The following PRH1 variants were observed in gnomAD, a reference collection of about 807,000 sequenced individuals.
The protein encoded by PRH1 is salivary acidic proline-rich phosphoprotein 1/2.
Under a neutral mutation model 7.9 loss-of-function variants are expected in PRH1, and 7 were observed. The observed-to-expected ratio is 0.89, with a 90% CI of 0.50 to 1.67. PRH1 has a LOEUF of 1.67. Ranked by LOEUF, PRH1 falls within the 40% of genes most tolerant of loss-of-function variation. PRH1 has a pLI of 0.00. For missense variants in PRH1, 109 were observed against 223.6 expected (o/e 0.49, Z 3.27); for synonymous variants, 45 against 80.8 (o/e 0.56, Z 2.38).
intron 1 of PRH1, among the ~76,000 whole-genome samples, chr12:11,145,324 C>G (rs1457839957): frequency 6.6e-6 from 1 of 152,138 alleles, no homozygotes; most frequent in Non-Finnish European, 1.5e-5. Context: ...TCCTGAGTGT[C>G]TGGGATTACA....
chr12:11,093,664 C>T (rs558327078), intron 1 of PRH1, among the ~76,000 whole-genome samples: 1 of 115,388 alleles, frequency 8.7e-6, no homozygotes, highest in South Asian at 2.4e-4. Context: ...GATATAGAAT[C>T]CTGCAGTATC....
chr12:10,964,609 C>T (rs1414555793), intron 2 of PRH1: 8 of 405,968 alleles, frequency 2.0e-5, no homozygotes, highest in South Asian at 1.0e-4. Flanking sequence ...AATTCCAAAT[C>T]GATGTGATTA....
At position 11,085,446 on chromosome 12, in the gene PRH1, T is replaced by A. The variant is rs1463790246; in HGVS notation, n.124-38258A>T. ...AGTAGTAAACATACCATGTCTGAAT[T>A]TTTTTAAGGCAGGCCTAATATCAAG... On this transcript the variant is annotated intron_variant and non_coding_transcript_variant, in intron 1 of 4. Coordinates refer to the PRH1 transcript ENST00000541977. 4.2e-5 allele frequency among the ~76,000 whole-genome samples: 5 copies of A among 119,114 alleles called. 1 individual carries two copies. Among genetic ancestry groups the A allele is most frequent in the Non-Finnish European group, 1.0e-4 (5 of 49,822 alleles). 78.1% of individuals were successfully genotyped at this position (119,114 alleles called of 152,430 possible).
At chr12:11,069,005 GC>G (rs372020692) in intron 1 of PRH1, among the ~76,000 whole-genome samples, 4,094 of 90,176 alleles carry the variant, frequency 0.045, no homozygotes, top group East Asian at 0.32. Flanking sequence ...GCTCTCTACA[GC>G]TCCCAGCCTC....
intron 2 of PRH1, among the ~76,000 whole-genome samples, chr12:10,943,197 G>A (rs915438062): frequency 6.6e-6 from 1 of 152,160 alleles, no homozygotes; most frequent in Non-Finnish European, 1.5e-5. Flanking sequence ...TTCCAAGTCA[G>A]AACTGCAATT....
rs1254418262 is a variant in PRH1 at position 11,090,061 on chromosome 12, A to C, written n.124-42873T>G. 3.5e-5 allele frequency among the ~76,000 whole-genome samples: 4 copies of C among 115,916 alleles called. 2 individuals carry two copies. Among genetic ancestry groups the C allele is most frequent in the Non-Finnish European group, 8.2e-5 (4 of 48,934 alleles). The allele number at this position is 115,916 out of a possible 152,430, so 76.0% of individuals were successfully genotyped here. A position where few individuals can be genotyped will look rare whatever the true frequency, so the allele number is the denominator to read the frequency against. Reference sequence around the variant, plus strand: ...GCTTACCCATTTTAGCCACCCATTTATTTGTTCATTAAAGTATTAATGAAC... The same window carrying C: ...GCTTACCCATTTTAGCCACCCATTTCTTTGTTCATTAAAGTATTAATGAAC... On this transcript the variant is annotated intron_variant and non_coding_transcript_variant, in intron 1 of 4. Coordinates refer to the PRH1 transcript ENST00000541977.
chr12:11,082,535 A>G (rs1944530706), intron 1 of PRH1, among the ~76,000 whole-genome samples: 1 of 113,150 alleles, frequency 8.8e-6, no homozygotes, highest in African/African-American at 3.0e-5. Flanking sequence ...GGAACTCTTG[A>G]CCTCAGGTGA....
intron 1 of PRH1, among the ~76,000 whole-genome samples, chr12:10,992,710 TCCTGGA>T: frequency 6.6e-6 from 1 of 151,996 alleles, no homozygotes; most frequent in East Asian, 1.9e-4. Context: ...ACCTCACCAG[TCCTGGA>T]GTATGAGTTT....
At position 11,094,015 on chromosome 12, in the gene PRH1, C is replaced by T. The variant is rs887746910; in HGVS notation, n.124-46827G>A. 8.7e-5 allele frequency among the ~76,000 whole-genome samples: 10 copies of T among 114,558 alleles called. 3 individuals are homozygous for T. The highest frequency in any genetic ancestry group is 2.9e-4 in the African/African-American group (10 of 33,984). 75.2% of individuals were successfully genotyped at this position (114,558 alleles called of 152,430 possible). ...TTGGCCCATCTCAAATCACGACAGC[C>T]ATCCACCAAACCTGGCTTAGAAAAA... On this transcript the variant is annotated intron_variant and non_coding_transcript_variant, in intron 1 of 4. Coordinates refer to the PRH1 transcript ENST00000541977.
chr12:10,913,257 G>C (rs1415784425), intron 2 of PRH1, among the ~76,000 whole-genome samples: 1 of 152,102 alleles, frequency 6.6e-6, no homozygotes, highest in Non-Finnish European at 1.5e-5. Flanking sequence ...ATCGAGACCA[G>C]CATGGCTAAC....
At chr12:10,919,829 T>C (rs949729523) in intron 2 of PRH1, among the ~76,000 whole-genome samples, 1 of 151,974 alleles carries the variant, frequency 6.6e-6, no homozygotes. Flanking sequence ...ACAACCTTCA[T>C]TGTTTTGATT....
intron 2 of PRH1, chr12:10,929,443 G>A (rs768450168): frequency 1.7e-5 from 23 of 1,383,632 alleles, no homozygotes; most frequent in Non-Finnish European, 2.3e-5. Flanking sequence ...AAACAGATAG[G>A]ACTGAAGAGT....
At chr12:11,011,111 T>C (rs565278179) in intron 1 of PRH1, among the ~76,000 whole-genome samples, 3 of 152,134 alleles carry the variant, frequency 2.0e-5, no homozygotes, top group Admixed American at 2.0e-4. Flanking sequence ...AACGTAGGTG[T>C]CCACAGGAAA....
intron 1 of PRH1, among the ~76,000 whole-genome samples, chr12:11,084,126 C>G (rs915128459): frequency 2.2e-5 from 3 of 137,214 alleles, no homozygotes; most frequent in African/African-American, 7.8e-5. Context: ...AGGAGAAGGA[C>G]ACAGAAACAG....
At chr12:11,101,996 A>T (rs1945267708) in intron 1 of PRH1, among the ~76,000 whole-genome samples, 1 of 122,178 alleles carries the variant, frequency 8.2e-6, no homozygotes, top group Non-Finnish European at 1.9e-5. Context: ...AGGGATGTGA[A>T]GGAAATCTTC....
intron 1 of PRH1, among the ~76,000 whole-genome samples, chr12:11,008,351 CCAAAA>C (rs1591804006): frequency 6.6e-6 from 1 of 151,766 alleles, no homozygotes; most frequent in Non-Finnish European, 1.5e-5. Context: ...TAGAAATGTG[CCAAAA>C]CAAAACTGGA....
At chr12:10,897,026 T>C (rs893324087) in intron 2 of PRH1, 14 of 152,130 alleles carry the variant, frequency 9.2e-5, no homozygotes, top group African/African-American at 3.1e-4. Context: ...GAGGTCACAA[T>C]GTCCAAACCC....
At chr12:10,972,932 A>ACCCTCCCCCCCC (rs1938894500) in intron 2 of PRH1, among the ~76,000 whole-genome samples, 1 of 79,026 alleles carries the variant, frequency 1.3e-5, no homozygotes, top group Non-Finnish European at 2.6e-5. Flanking sequence ...ACCACAACCC[A>ACCCTCCCCCCCC]CCCCCCCCGC....
At chr12:11,090,203 C>T (rs1211319198) in intron 1 of PRH1, among the ~76,000 whole-genome samples, 3 of 102,454 alleles carry the variant, frequency 2.9e-5, no homozygotes, top group African/African-American at 9.4e-5. Context: ...TACAAAGTTA[C>T]GGCTCATCCC....
Sources: allele counts gnomAD v4.1 joint callset (sites outside exome capture counted in the v4.1 genomes callset), GRCh38; gene constraint gnomAD v4.1.1; transcripts MANE v1.5; gene names NCBI Gene and HGNC (gene_info 2026-07-23, HGNC 2026-07-21).